SDK1: variants seen among roughly 807,000 people sequenced by gnomAD.
The protein encoded by SDK1 is sidekick cell adhesion molecule 1.
A neutral mutation model predicts 245.5 loss-of-function variants in SDK1; 157 were observed. The ratio of observed to expected loss-of-function variants is 0.64; its 90% CI spans 0.56 to 0.73. The LOEUF (loss-of-function observed/expected upper bound fraction) is 0.73. Among genes scored for constraint, SDK1 ranks in the 30% least tolerant of loss-of-function variants. The pLI is 0.00. For missense variants in SDK1, 3,583 were observed against 3,002.3 expected, an observed-to-expected ratio of 1.19 and a Z score of -4.52; for synonymous variants, 1,647 against 1,278.5, an observed-to-expected ratio of 1.29 and a Z score of -6.15.
chr7:4,108,028 C>T lies in SDK1; in HGVS notation c.3325-2635C>T, dbSNP rs533740192. 2.6e-5 allele frequency among the ~76,000 whole-genome samples: 4 copies of T among 152,306 alleles called. No homozygotes were observed. The South Asian group carries it at 6.2e-4, about 24-fold the overall frequency. ...ATGCATCAGCTGCATAGATAAATATCGCACGGCTCCTCTCCACTAGACACT... is the reference window on the plus strand; with the variant it reads ...ATGCATCAGCTGCATAGATAAATATTGCACGGCTCCTCTCCACTAGACACT... On this transcript the variant is annotated intron_variant, in intron 22 of 44. Transcript: ENST00000404826.
chr7:4,219,794 C>T (rs1785034093), intron 38 of SDK1, among the ~76,000 whole-genome samples: 2 of 149,974 alleles, frequency 1.3e-5, no homozygotes, highest in Admixed American at 6.6e-5. Flanking sequence ...CAGGACCGCC[C>T]CCCTTCCCCC....
intron 1 of SDK1, among the ~76,000 whole-genome samples, chr7:3,549,878 G>C (rs191985556): frequency 6.6e-6 from 1 of 151,796 alleles, no homozygotes; most frequent in South Asian, 2.1e-4. Context: ...CTTTCCTTGA[G>C]CTAAAATTTA....
chr7:3,929,749 G>A (rs1032877268), intron 5 of SDK1, among the ~76,000 whole-genome samples: 7 of 152,124 alleles, frequency 4.6e-5, no homozygotes, highest in African/African-American at 1.7e-4. Flanking sequence ...GTGCTAGATG[G>A]CTGATGAGGT....
chr7:4,204,712 A>ACTCC (rs1784095359), intron 35 of SDK1, among the ~76,000 whole-genome samples: 1 of 152,178 alleles, frequency 6.6e-6, no homozygotes, highest in Non-Finnish European at 1.5e-5. Context: ...CGGCAGGCGG[A>ACTCC]GAGGAGTGCT....
intron 1 of SDK1, among the ~76,000 whole-genome samples, chr7:3,589,827 CACAG>C (rs1780803707): frequency 1.3e-5 from 2 of 152,134 alleles, no homozygotes; most frequent in Admixed American, 1.3e-4. Context: ...TGGGTGGGGA[CACAG>C]ACAAACCATA....
Position 3,851,447 on chromosome 7 carries a change from G to A in SDK1, c.847+29864G>A, listed in dbSNP as rs146663099. ...CTTATATTTTCATAAAGATAGAAGC[G>A]TAATATGCTTCTTTGCATTGCGTGT... On this transcript the variant is annotated intron_variant, in intron 5 of 44. Transcript: ENST00000404826. 4.6e-3 allele frequency among the ~76,000 whole-genome samples: 706 copies of A among 152,218 alleles called. 8 individuals carry two copies. The highest frequency in any genetic ancestry group is 0.016 in the African/African-American group (666 of 41,518).
intron 5 of SDK1, among the ~76,000 whole-genome samples, chr7:3,916,663 TG>T (rs1437820589): frequency 6.6e-6 from 1 of 152,236 alleles, no homozygotes; most frequent in East Asian, 1.9e-4. Flanking sequence ...TGTGTGTGTG[TG>T]CATTGCATTT....
rs78362326 is a variant in SDK1, at chr7:4,127,532, G to T, written c.3939+36G>T. On this transcript the variant is annotated intron_variant, in intron 26 of 44. Coordinates refer to ENST00000404826, the MANE Select transcript of SDK1 (RefSeq NM_152744.4). Reference sequence around the variant, plus strand: ...ACAGGATGACCTCCCTTTGCTTAAAGAGTGGGCTGGGGAAATGGGAGCATG... The same window carrying T: ...ACAGGATGACCTCCCTTTGCTTAAATAGTGGGCTGGGGAAATGGGAGCATG... The T allele has an allele frequency of 1.3e-3, 1,967 of 1,493,938 alleles. 20 individuals carry two copies. The African/African-American group carries it at 0.024, about 18-fold the overall frequency. 92.5% of individuals were successfully genotyped at this position (1,493,938 alleles called of 1,614,324 possible). A position where few individuals can be genotyped will look rare whatever the true frequency, so the allele number is the denominator to read the frequency against.
intron 22 of SDK1, among the ~76,000 whole-genome samples, chr7:4,102,623 G>C (rs925095236): frequency 6.6e-6 from 1 of 152,140 alleles, no homozygotes; most frequent in African/African-American, 2.4e-5. Flanking sequence ...CCTCCGGAGT[G>C]CTGAGCTCAC....
At chr7:3,684,481 C>G (rs999856048) in intron 4 of SDK1, among the ~76,000 whole-genome samples, 2 of 152,170 alleles carry the variant, frequency 1.3e-5, no homozygotes, top group African/African-American at 4.8e-5. Context: ...ACACACATAC[C>G]CAGCCGGCCT....
chr7:4,139,677 ATGTGTGTGTGTGTATG>A (rs1779418511), intron 28 of SDK1, among the ~76,000 whole-genome samples: 1 of 112,552 alleles, frequency 8.9e-6, no homozygotes, highest in African/African-American at 3.8e-5. Flanking sequence ...GTGTGTGTAT[ATGTGTGTGTGTGTATG>A]TGTGTGTGTG....
intron 1 of SDK1, among the ~76,000 whole-genome samples, chr7:3,585,870 A>C (rs1284571428): frequency 6.6e-6 from 1 of 152,162 alleles, no homozygotes; most frequent in Non-Finnish European, 1.5e-5. Context: ...TTTTCCAAGA[A>C]GGGAGGGAAA....
In SDK1 at chr7:4,263,647, G is replaced by A. The variant is rs1333453068; in HGVS notation, c.6382-1477G>A. ...TAGACCTCTCCTGAGTGGGGAGGCC[G>A]CGTAGACGTCTCCTGAGTGGGGAGG... On this transcript the variant is annotated intron_variant, in intron 44 of 44. Coordinates refer to ENST00000404826, the MANE Select transcript of SDK1 (RefSeq NM_152744.4). 2.1e-4 allele frequency among the ~76,000 whole-genome samples: 3 copies of A among 14,016 alleles called. No individual in the cohort carries two copies. In the African/African-American group the frequency reaches 2.4e-3, roughly 11 times the overall value. The allele number at this position is 14,016 out of a possible 152,430, so 9.2% of individuals were successfully genotyped here.
At chr7:4,036,444 T>C (rs1788224617) in intron 17 of SDK1, among the ~76,000 whole-genome samples, 1 of 152,216 alleles carries the variant, frequency 6.6e-6, no homozygotes, top group Non-Finnish European at 1.5e-5. Flanking sequence ...CTACCAGTCT[T>C]CATTATTTTT....
At chr7:4,179,567 C>T (rs952032969) in intron 35 of SDK1, among the ~76,000 whole-genome samples, 1 of 152,008 alleles carries the variant, frequency 6.6e-6, no homozygotes, top group East Asian at 1.9e-4. Context: ...AATGAGGATG[C>T]GTGGAGAGAG....
At chr7:3,709,875 C>T (rs1784994787) in intron 4 of SDK1, among the ~76,000 whole-genome samples, 1 of 152,236 alleles carries the variant, frequency 6.6e-6, no homozygotes. Flanking sequence ...AAGGCCCACA[C>T]AGGGGTCCTG....
chr7:3,609,544 G>T lies in SDK1; in HGVS notation c.299-9536G>T, dbSNP rs112472116. Among the ~76,000 whole-genome samples, 1,032 of 152,174 alleles carry T rather than the reference G, an allele frequency of 6.8e-3. 18 individuals carry two copies. The highest frequency in any genetic ancestry group is 0.024 in the African/African-American group (979 of 41,498). ...GCCTCCCAAGTAGCTGGGATTACAGGCACGTGCCACCATACCCGGCTAATT... is the reference window on the plus strand; with the variant it reads ...GCCTCCCAAGTAGCTGGGATTACAGTCACGTGCCACCATACCCGGCTAATT... On this transcript the variant is annotated intron_variant, in intron 1 of 44. Transcript: ENST00000404826.
intron 4 of SDK1, among the ~76,000 whole-genome samples, chr7:3,715,139 C>G (rs576392608): frequency 2.4e-4 from 37 of 152,134 alleles, no homozygotes; most frequent in African/African-American, 8.9e-4. Context: ...AATAATTGCA[C>G]ATATAATTAG....
intron 4 of SDK1, among the ~76,000 whole-genome samples, chr7:3,761,992 G>C (rs1382804782): frequency 6.6e-6 from 1 of 152,152 alleles, no homozygotes; most frequent in Non-Finnish European, 1.5e-5. Context: ...TTTCTTTGTA[G>C]TGAACTGTAG....
Sources: allele counts gnomAD v4.1 joint callset (sites outside exome capture counted in the v4.1 genomes callset), GRCh38; gene constraint gnomAD v4.1.1; transcripts MANE v1.5; gene names NCBI Gene and HGNC (gene_info 2026-07-23, HGNC 2026-07-21).